Variants in DUSP18 observed in about 807,000 individuals in gnomAD.
The protein encoded by DUSP18 is dual specificity protein phosphatase 18.
Under a neutral mutation model 6.3 loss-of-function variants are expected in DUSP18, and 4 were observed. The observed-to-expected ratio is 0.63, with a 90% CI of 0.31 to 1.45. The LOEUF (loss-of-function observed/expected upper bound fraction) is 1.45, where lower values mean the gene tolerates loss of function less well. Ranked by LOEUF, DUSP18 falls within the 40% of genes most tolerant of loss-of-function variation. The probability of loss-of-function intolerance (pLI) is 0.07; values close to 1 mark genes in which losing one functional copy is unlikely to be tolerated. For synonymous variants in DUSP18, 96 were observed against 95.1 expected (o/e 1.01, Z -0.05); for missense variants, 235 against 247.7 (o/e 0.95, Z 0.34).
At chr22:30,658,985 A>G (rs553175455), downstream of DUSP18, among the ~76,000 whole-genome samples, 154 of 152,074 alleles carry the variant, frequency 1.0e-3, no homozygotes, top group African/African-American at 3.5e-3. Context: ...TCTACTAGGC[A>G]TGGTGGCGGG....
chr22:30,663,331 G>T lies in DUSP18; in HGVS notation c.*106C>A. On this transcript the variant is annotated 3_prime_UTR_variant, in exon 2 of 2. Transcript: ENST00000334679. The stretch of plus-strand genomic sequence containing the variant: ...TTTGTGCTCATAAAAGGCATCATCT[G>T]TTTTTTTCTGTATCAACAAAAGTAG... The T allele has an allele frequency of 8.4e-7, 1 of 1,192,068 alleles. No individual in the cohort carries two copies. The allele number at this position is 1,192,068 out of a possible 1,614,324, so 73.8% of individuals were successfully genotyped here. A position where few individuals can be genotyped will look rare whatever the true frequency, so the allele number is the denominator to read the frequency against.
intron 1 of DUSP18, 107 bp downstream of exon 1, chr22:30,667,355 G>C (rs1446839532): frequency 2.0e-5 from 3 of 152,244 alleles, no homozygotes; most frequent in Non-Finnish European, 4.4e-5. Flanking sequence ...AAGAGTTAAC[G>C]AGAGCGAAGC....
At chr22:30,655,719 AGGTCT>A (rs1463740380) in intron 2 of DUSP18, among the ~76,000 whole-genome samples, 1 of 152,020 alleles carries the variant, frequency 6.6e-6, no homozygotes, top group Admixed American at 6.6e-5. Context: ...CTGTAAATAG[AGGTCT>A]GTGGGGTGCC....
intron 2 of DUSP18, among the ~76,000 whole-genome samples, chr22:30,655,228 G>C (rs925597741): frequency 6.6e-6 from 1 of 151,664 alleles, no homozygotes; most frequent in Non-Finnish European, 1.5e-5. Flanking sequence ...GGCTGAGAAA[G>C]GTGGATGGCT....
At chr22:30,657,279 ACACAC>A (rs1569065140), downstream of DUSP18, among the ~76,000 whole-genome samples, 1 of 2,238 alleles carries the variant, frequency 4.5e-4, no homozygotes, top group Non-Finnish European at 9.7e-4. Flanking sequence ...TACTAAAAAC[ACACAC>A]ACACACACAC....
chr22:30,659,709 CT>C (rs1294042155), downstream of DUSP18, among the ~76,000 whole-genome samples: 2 of 152,196 alleles, frequency 1.3e-5, no homozygotes, highest in African/African-American at 4.8e-5. Flanking sequence ...AATGATGTTT[CT>C]GACCTATTCC....
chr22:30,655,756 G>A (rs1389739093), intron 2 of DUSP18, among the ~76,000 whole-genome samples: 2 of 152,036 alleles, frequency 1.3e-5, no homozygotes, highest in Non-Finnish European at 2.9e-5. Context: ...GGATGGCATT[G>A]TGATTCCCAT....
chr22:30,664,047 CT>C lies in DUSP18; in HGVS notation c.-45del. On this transcript the variant is annotated 5_prime_UTR_variant, in exon 2 of 2. An upstream open reading frame in the 5' UTR loses its in-frame stop. Coordinates refer to ENST00000334679, the MANE Select transcript of DUSP18 (RefSeq NM_152511.5). The stretch of plus-strand genomic sequence containing the variant: ...GTCAGCAGTCAGCGAAGCACGAAGG[CT>C]GCGTCTTTCTGCTAGGCTGTGTCCA... 1 of 1,528,712 alleles carries C rather than the reference CT, an allele frequency of 6.5e-7. No individual in the cohort carries two copies. The highest frequency in any genetic ancestry group is 8.9e-7 in the Non-Finnish European group (1 of 1,123,172). The allele number at this position is 1,528,712 out of a possible 1,614,324, so 94.7% of individuals were successfully genotyped here.
chr22:30,652,397 T>C (rs1214633295), intron 2 of DUSP18: 1 of 152,252 alleles, frequency 6.6e-6, no homozygotes, highest in Non-Finnish European at 1.5e-5. Context: ...TTTCTAATCT[T>C]GTGGCTAATG....
Position 30,664,047 on chromosome 22 carries a change from C to CAGCCTTCG in DUSP18, c.-45_-44insCGAAGGCT. 6.5e-7 allele frequency: 1 copy of CAGCCTTCG among 1,528,710 alleles called. No individual in the cohort carries two copies. The highest frequency in any genetic ancestry group is 8.9e-7 in the Non-Finnish European group (1 of 1,123,170). 94.7% of individuals were successfully genotyped at this position (1,528,710 alleles called of 1,614,324 possible). A position where few individuals can be genotyped will look rare whatever the true frequency, so the allele number is the denominator to read the frequency against. On this transcript the variant is annotated 5_prime_UTR_variant, in exon 2 of 2. It removes the in-frame stop codon of an upstream open reading frame in the 5' UTR. Transcript: ENST00000334679. Reference sequence around the variant, plus strand: ...GTCAGCAGTCAGCGAAGCACGAAGGCTGCGTCTTTCTGCTAGGCTGTGTCC... The same window carrying CAGCCTTCG: ...GTCAGCAGTCAGCGAAGCACGAAGGCAGCCTTCGTGCGTCTTTCTGCTAGGCTGTGTCC...
At chr22:30,660,382 CA>C (rs1275668012), downstream of DUSP18, among the ~76,000 whole-genome samples, 1 of 152,138 alleles carries the variant, frequency 6.6e-6, no homozygotes. Flanking sequence ...TGGCTCACTG[CA>C]GCCTTGACCT....
At chr22:30,665,466 C>A (rs1324915459) in intron 1 of DUSP18, 3 of 466,268 alleles carry the variant, frequency 6.4e-6, no homozygotes, top group South Asian at 3.1e-5. Flanking sequence ...GCTGATCTCT[C>A]AGTCTCTTTC....
Position 30,663,878 on chromosome 22 carries a change from A to G in DUSP18, c.126T>C (p.Ser42=), listed in dbSNP as rs184028120. Residue 42 remains serine (S), a synonymous_variant, in exon 2 of 2, where the codon TCT becomes TCC. Coordinates refer to ENST00000334679, the MANE Select transcript of DUSP18 (RefSeq NM_152511.5). ...TGATGACCATGGTGATCTGGTTGCTAGACAGCATGAGCTTGTTGTTGGCGG... is the reference window on the plus strand; with the variant it reads ...TGATGACCATGGTGATCTGGTTGCTGGACAGCATGAGCTTGTTGTTGGCGG... ...GVAANNKLML[S]SNQITMVINV... The G allele has an allele frequency of 1.9e-6, 3 of 1,614,182 alleles. No individual in the cohort carries two copies. The highest frequency in any genetic ancestry group is 4.5e-5 in the East Asian group (2 of 44,878).
intron 2 of DUSP18, among the ~76,000 whole-genome samples, chr22:30,653,651 GCC>G (rs2088272312): frequency 6.6e-6 from 1 of 152,106 alleles, no homozygotes; most frequent in African/African-American, 2.4e-5. Flanking sequence ...TTGGGATACA[GCC>G]CTGAGCCACC....
chr22:30,660,871 G>C (rs921228303), downstream of DUSP18, among the ~76,000 whole-genome samples: 5 of 147,376 alleles, frequency 3.4e-5, no homozygotes, highest in Non-Finnish European at 6.0e-5. Context: ...ATGGAGTCTT[G>C]CTCTGTTGCC....
intron 2 of DUSP18, chr22:30,653,780 C>T (rs898285429): frequency 2.6e-5 from 4 of 152,136 alleles, no homozygotes; most frequent in African/African-American, 9.7e-5. Flanking sequence ...CCTTGTTAGG[C>T]TGGAGCCCAA....
chr22:30,657,020 G>GA (rs2088350975), downstream of DUSP18, among the ~76,000 whole-genome samples: 1 of 152,040 alleles, frequency 6.6e-6, no homozygotes, highest in African/African-American at 2.4e-5. Context: ...ACTCAACTAT[G>GA]AAAAAAATGC....
At chr22:30,660,364 C>T (rs2088432685), downstream of DUSP18, among the ~76,000 whole-genome samples, 1 of 152,034 alleles carries the variant, frequency 6.6e-6, no homozygotes, top group Non-Finnish European at 1.5e-5. Context: ...AGAGCAGAGG[C>T]ACGATCTTGG....
At chr22:30,664,607 C>T (rs1463333476) in intron 1 of DUSP18, among the ~76,000 whole-genome samples, 1 of 152,236 alleles carries the variant, frequency 6.6e-6, no homozygotes, top group East Asian at 1.9e-4. Flanking sequence ...GAACCAGAGC[C>T]CACTGTGCTG....
Sources: gnomAD v4.1 joint callset for allele counts (sites outside exome capture counted in the v4.1 genomes callset) on GRCh38, gnomAD v4.1.1 for gene constraint, MANE v1.5 for transcripts, NCBI Gene and HGNC (gene_info 2026-07-23, HGNC 2026-07-21) for gene names.